Variants in RSF1 observed in about 807,000 individuals in gnomAD.
RSF1 encodes the protein HBV pX-associated protein 8.
A neutral mutation model predicts 145.2 loss-of-function variants in RSF1; 13 were observed. The observed-to-expected ratio is 0.09, with a 90% CI of 0.06 to 0.14. RSF1 has a LOEUF of 0.14. Among genes scored for constraint, RSF1 ranks in the 10% least tolerant of loss-of-function variants. RSF1 has a pLI of 1.00. For missense variants in RSF1, 1,517 were observed against 1,718.2 expected (o/e 0.88, Z 2.07); for synonymous variants, 577 against 592.6 (o/e 0.97, Z 0.38).
chr11:77,847,421 C>T, the RSF1 span, among the ~76,000 whole-genome samples: 1 of 152,122 alleles, frequency 6.6e-6, no homozygotes. Flanking sequence ...GAAAGAGAGC[C>T]CTAACACATA....
At chr11:77,810,541 T>C (rs940226439) in intron 1 of RSF1, among the ~76,000 whole-genome samples, 7 of 152,148 alleles carry the variant, frequency 4.6e-5, no homozygotes, top group Admixed American at 3.3e-4. Flanking sequence ...ATTTGTATTA[T>C]ATTGGTTCCT....
intron 3 of RSF1, among the ~76,000 whole-genome samples, chr11:77,746,395 T>C (rs191257872): frequency 1.3e-5 from 2 of 152,348 alleles, no homozygotes; most frequent in Non-Finnish European, 2.9e-5. Flanking sequence ...ATATTGACAT[T>C]ATATTTTAAG....
chr11:77,689,553 T>C (rs1960095733), intron 9 of RSF1, among the ~76,000 whole-genome samples: 1 of 152,242 alleles, frequency 6.6e-6, no homozygotes, highest in South Asian at 2.1e-4. Context: ...ACTAAAATGC[T>C]CCTCCACCAT....
chr11:77,711,156 A>G (rs537497252), intron 5 of RSF1, among the ~76,000 whole-genome samples: 3 of 151,944 alleles, frequency 2.0e-5, no homozygotes, highest in African/African-American at 7.2e-5. Flanking sequence ...AAAAAAAAAA[A>G]AAAAGATAAA....
chr11:77,754,916 C>A (rs1016969249), intron 2 of RSF1, among the ~76,000 whole-genome samples: 19 of 151,974 alleles, frequency 1.3e-4, no homozygotes, highest in Admixed American at 8.5e-4. Flanking sequence ...TTGCAGTGAT[C>A]CAAGATCTTG....
At position 77,676,754 on chromosome 11, in the gene RSF1, G is replaced by A. The variant is rs754000791; in HGVS notation, c.3341+38C>T. The A allele has an allele frequency of 6.3e-6, 10 of 1,579,730 alleles. No individual in the cohort carries two copies. In the Admixed American group the frequency reaches 8.6e-5, roughly 14 times the overall value. On this transcript the variant is annotated intron_variant, in intron 13 of 15. Transcript: ENST00000308488. ...CTGCTAGCCCAGTCCTGTTCCTGCT[G>A]GTATCTAGGGATCGGGGCCTAGTAG...
the RSF1 span, among the ~76,000 whole-genome samples, chr11:77,857,480 G>A: frequency 3.3e-5 from 5 of 152,148 alleles, no homozygotes; most frequent in Non-Finnish European, 5.9e-5. Flanking sequence ...ATTTATTTTT[G>A]TAGGAAGCTC....
chr11:77,735,056 G>A (rs1961310861), intron 4 of RSF1: 1 of 1,285,718 alleles, frequency 7.8e-7, no homozygotes, highest in South Asian at 1.2e-5. Context: ...TGGCGGCGGT[G>A]GCAGTGGCTG....
rs563567953 is a variant in RSF1 at position 77,677,667 on chromosome 11, C to CTAAAG, written c.3133+414_3133+418dup. ...AGTTCTTCTATTTTAATGCCACTTA[C>CTAAAG]TAAAGACTATGAAATTAAGAAACCA... On this transcript the variant is annotated intron_variant, in intron 12 of 15. Transcript: ENST00000308488. 4.6e-5 allele frequency among the ~76,000 whole-genome samples: 7 copies of CTAAAG among 152,226 alleles called. No homozygotes were observed. The South Asian group carries it at 1.4e-3, about 32-fold the overall frequency.
intron 2 of RSF1, among the ~76,000 whole-genome samples, chr11:77,748,704 A>C (rs1196900427): frequency 1.3e-5 from 2 of 152,222 alleles, no homozygotes; most frequent in Non-Finnish European, 2.9e-5. Context: ...GAATGCTCAC[A>C]GGTTGTTACT....
the RSF1 span, among the ~76,000 whole-genome samples, chr11:77,837,133 T>G: frequency 1.3e-5 from 2 of 152,308 alleles, no homozygotes; most frequent in South Asian, 4.1e-4. Context: ...TTTTGTTTGT[T>G]TGTTTGCTTG....
intron 1 of RSF1, among the ~76,000 whole-genome samples, chr11:77,810,194 A>T (rs1948716779): frequency 6.6e-6 from 1 of 152,196 alleles, no homozygotes; most frequent in African/African-American, 2.4e-5. Flanking sequence ...CCATTCATCC[A>T]ACCTTACCCT....
the RSF1 span, among the ~76,000 whole-genome samples, chr11:77,871,044 A>G: frequency 3.3e-5 from 5 of 152,052 alleles, no homozygotes; most frequent in Non-Finnish European, 7.4e-5. Flanking sequence ...GGCTCAAGCA[A>G]TCCTCCCATT....
At chr11:77,673,884 A>T (rs1959622231) in intron 14 of RSF1, among the ~76,000 whole-genome samples, 1 of 152,196 alleles carries the variant, frequency 6.6e-6, no homozygotes, top group Non-Finnish European at 1.5e-5. Context: ...ACTCTTTAAA[A>T]ATATCAAGAT....
intron 1 of RSF1, among the ~76,000 whole-genome samples, chr11:77,790,679 A>G (rs1948508105): frequency 6.6e-6 from 1 of 152,212 alleles, no homozygotes; most frequent in Non-Finnish European, 1.5e-5. Context: ...AAATACAGCC[A>G]TTCCAAATGG....
At chr11:77,743,144 C>T (rs1947959802) in intron 3 of RSF1, among the ~76,000 whole-genome samples, 1 of 152,130 alleles carries the variant, frequency 6.6e-6, no homozygotes, top group Non-Finnish European at 1.5e-5. Context: ...ATTACTATAA[C>T]TCAGTAGATT....
the RSF1 span, among the ~76,000 whole-genome samples, chr11:77,826,234 T>C: frequency 5.9e-5 from 9 of 151,938 alleles, no homozygotes; most frequent in Admixed American, 4.6e-4. Context: ...TGGTGGTGCA[T>C]GCCTGTAGTC....
intron 1 of RSF1, among the ~76,000 whole-genome samples, chr11:77,800,742 C>A (rs548299423): frequency 4.5e-4 from 68 of 152,146 alleles, no homozygotes; most frequent in African/African-American, 1.5e-3. Context: ...AACACCTGTA[C>A]TCCCAGCTAC....
rs1959668208 is a variant in RSF1 at position 77,675,187 on chromosome 11, A to C, written c.3411T>G (p.Asp1137Glu). Residue 1137 changes from aspartate to glutamate, a missense_variant, in exon 14 of 16, where the codon GAT (aspartate) becomes GAG (glutamate). This residue lies in a region of RSF1 where 231 missense variants were observed against 276.6 expected (regional missense o/e 0.84). Transcript: ENST00000308488. ...DESEEDPPSN[D>E]DSDTDFCSRR... ...GGCTACAAAAGTCAGTGTCACTGTC[A>C]TCATTAGATGGCGGATCTTCTTCAC... The C allele has an allele frequency of 6.2e-7, 1 of 1,614,026 alleles. No homozygotes were observed. Among genetic ancestry groups the C allele is most frequent in the African/African-American group, 1.3e-5 (1 of 74,918 alleles).
Sources: allele counts gnomAD v4.1 joint callset (sites outside exome capture counted in the v4.1 genomes callset), GRCh38; gene constraint gnomAD v4.1.1; regional missense constraint gnomAD v4.1.1; transcripts MANE v1.5; gene names NCBI Gene and HGNC (gene_info 2026-07-23, HGNC 2026-07-21).